SS18: variants seen among roughly 807,000 people sequenced by gnomAD.
The protein encoded by SS18 is protein SSXT.
In SS18, 28 loss-of-function variants were observed where a neutral mutation model predicts 72.5. The ratio of observed to expected loss-of-function variants is 0.39; its 90% confidence interval spans 0.29 to 0.53. The LOEUF is 0.53. SS18 is among the 20% of genes least tolerant of loss of function. SS18 has a pLI of 0.76. For missense variants in SS18, 518 were observed against 535.3 expected (o/e 0.97, Z 0.32); for synonymous variants, 172 against 164.2 (o/e 1.05, Z -0.37).
At chr18:26,088,088 C>T (rs1016457233) in intron 1 of SS18, among the ~76,000 whole-genome samples, 2 of 152,136 alleles carry the variant, frequency 1.3e-5, no homozygotes, top group African/African-American at 4.8e-5. Flanking sequence ...TACTTTTACA[C>T]CTTTGGAATG....
At chr18:26,024,770 C>A (rs1409144301) in intron 10 of SS18, among the ~76,000 whole-genome samples, 2 of 151,704 alleles carry the variant, frequency 1.3e-5, no homozygotes, top group African/African-American at 4.8e-5. Context: ...GAACAAAAAC[C>A]AGATGTGACA....
At chr18:26,060,433 T>C (rs1598582656) in intron 3 of SS18, among the ~76,000 whole-genome samples, 1 of 152,248 alleles carries the variant, frequency 6.6e-6, no homozygotes, top group East Asian at 1.9e-4. Flanking sequence ...GTTTTCACTT[T>C]ATTAGGGTAG....
chr18:26,076,052 T>C (rs1158038592), intron 3 of SS18, among the ~76,000 whole-genome samples: 1 of 151,864 alleles, frequency 6.6e-6, no homozygotes, highest in African/African-American at 2.4e-5. Flanking sequence ...TAAAACTTCA[T>C]TGACAGACAT....
chr18:26,073,305 G>A (rs1272499238), intron 3 of SS18, among the ~76,000 whole-genome samples: 2 of 152,118 alleles, frequency 1.3e-5, no homozygotes, highest in African/African-American at 2.4e-5. Flanking sequence ...TCAGAACTAT[G>A]ATTAGAGGAA....
intron 6 of SS18, 120 bp downstream of exon 6, chr18:26,039,168 CA>C (rs34318951): frequency 0.092 from 22,939 of 250,090 alleles, 73 homozygotes; most frequent in Middle Eastern, 0.099. Context: ...TACCTTTTGT[CA>C]AAAAAAAAAA....
intron 1 of SS18, among the ~76,000 whole-genome samples, chr18:26,089,393 A>G (rs2054674186): frequency 6.6e-6 from 1 of 152,262 alleles, no homozygotes; most frequent in African/African-American, 2.4e-5. Flanking sequence ...CCGTTTGTTC[A>G]TAAAATAAAG....
In SS18 at chr18:26,064,249, A is replaced by AT. The variant is rs200419807; in HGVS notation, c.232-6508dup. ...TAAGAATAAATAATACCTCACACCA[A>AT]TTTTTTGTTCCAGAAAACAAAAAGA... is the stretch of plus-strand genomic sequence containing the variant. On this transcript the variant is annotated intron_variant, in intron 3 of 10. Transcript: ENST00000415083. Among the ~76,000 whole-genome samples the AT allele has an allele frequency of 4.4e-3, 664 of 152,182 alleles. 4 individuals carry two copies. Among genetic ancestry groups the AT allele is most frequent in the African/African-American group, 0.014 (598 of 41,540 alleles).
In SS18 at chr18:26,022,437, TAA is replaced by T. The variant is rs35858470; in HGVS notation, c.1231-4059_1231-4058del. The stretch of plus-strand genomic sequence containing the variant: ...GGATTTATCTGGCAGCCTGAAACAA[TAA>T]AAAAAAAAAAAACTACACAAAGCAT... On this transcript the variant is annotated intron_variant, in intron 10 of 10. Transcript: ENST00000415083. Among the ~76,000 whole-genome samples, 329 of 132,040 alleles carry T rather than the reference TAA, an allele frequency of 2.5e-3. 1 individual carries two copies. The highest frequency in any genetic ancestry group is 8.8e-3 in the African/African-American group (321 of 36,642). 86.6% of individuals were successfully genotyped at this position (132,040 alleles called of 152,430 possible). A position where few individuals can be genotyped will look rare whatever the true frequency, so the allele number is the denominator to read the frequency against.
At chr18:26,044,799 A>G (rs1485001747) in intron 5 of SS18, among the ~76,000 whole-genome samples, 2 of 152,020 alleles carry the variant, frequency 1.3e-5, no homozygotes, top group Admixed American at 6.6e-5. Context: ...TCGAGATTGG[A>G]GACTGAGATC....
chr18:26,036,024 A>C (rs956671350), intron 7 of SS18, 101 bp from the exon 8 acceptor site: 9 of 779,258 alleles, frequency 1.2e-5, no homozygotes, highest in Admixed American at 2.8e-5. Context: ...AAAAAGAAAA[A>C]GAAATGGAAC....
At chr18:26,079,630 G>A (rs758164374) in intron 2 of SS18, among the ~76,000 whole-genome samples, 3 of 152,058 alleles carry the variant, frequency 2.0e-5, no homozygotes, top group Non-Finnish European at 4.4e-5. Flanking sequence ...ACCCAGGCTG[G>A]AGCGTGCAGT....
chr18:26,057,676 G>T lies in SS18; in HGVS notation c.298C>A (p.Arg100Ser). The part of the protein sequence containing the change: ...MNQSGPPPPP[R>S]SHNMPSDGMV... ...CCATCTGAAGGCATGTTGTGAGAGCGTGGAGGTGGGGGAGGGCCGCTCTGA... is the reference window on the plus strand; with the variant it reads ...CCATCTGAAGGCATGTTGTGAGAGCTTGGAGGTGGGGGAGGGCCGCTCTGA... The change falls in exon 4 of 11, where the codon CGC becomes AGC. Residue 100 changes from arginine (R) to serine (S), a missense_variant. Arg to Ser is a moderately radical substitution (Grantham distance 110). Coordinates refer to ENST00000415083, the MANE Select transcript of SS18 (RefSeq NM_001007559.3). The T allele has an allele frequency of 1.2e-6, 2 of 1,614,142 alleles. No homozygotes were observed. Among genetic ancestry groups the T allele is most frequent in the Non-Finnish European group, 1.7e-6 (2 of 1,180,024 alleles).
In SS18 at chr18:26,087,568, C is replaced by A; in HGVS notation, c.79G>T (p.Asp27Tyr). 1.3e-6 allele frequency: 2 copies of A among 1,576,322 alleles called. No homozygotes were observed. Among genetic ancestry groups the A allele is most frequent in the South Asian group, 1.1e-5 (1 of 87,544 alleles). ...TPAAIQKMLD[D>Y]NNHLIQCIMD... is the part of the protein sequence containing the mutation. ...ATACACTGAATAAGATGGTTATTGT[C>A]ATCCAACATCTGAAACAGAATTAGA... The change falls in exon 2 of 11, where the codon GAC becomes TAC. Residue 27 changes from aspartate to tyrosine, a missense_variant. Asp to Tyr is a radical substitution (Grantham distance 160). Transcript: ENST00000415083.
intron 2 of SS18, among the ~76,000 whole-genome samples, chr18:26,080,919 T>C (rs992442284): frequency 6.6e-6 from 1 of 152,094 alleles, no homozygotes; most frequent in Admixed American, 6.5e-5. Context: ...ACAACCATCA[T>C]GGGGAAATTA....
chr18:26,029,149 AG>A (rs1324087998), intron 10 of SS18, among the ~76,000 whole-genome samples: 1 of 152,194 alleles, frequency 6.6e-6, no homozygotes, highest in African/African-American at 2.4e-5. Context: ...GATGCATGTA[AG>A]GAACAGCAAA....
At position 26,052,658 on chromosome 18, in the gene SS18, A is replaced by C; in HGVS notation, c.573T>G (p.Gly191=). Residue 191 remains glycine (G), a synonymous_variant, in exon 5 of 11, where the codon GGT becomes GGG. Coordinates refer to ENST00000415083, the MANE Select transcript of SS18 (RefSeq NM_001007559.3). ...MSQGQPMGNY[G]PRPNMSMQPN... is the part of the protein sequence containing the mutation. ...GCTGCATACTCATATTTGGTCTGGG[A>C]CCATAGTTTCCCATTGGTTGTCCCT... 1 of 1,614,108 alleles carries C rather than the reference A, an allele frequency of 6.2e-7. No homozygotes were observed. The highest frequency in any genetic ancestry group is 2.2e-5 in the East Asian group (1 of 44,880).
At position 26,055,102 on chromosome 18, in the gene SS18, C is replaced by T. The variant is rs150305326; in HGVS notation, c.386-2257G>A. ...TCTCTAGAACTGTCTGGAGAGGTGGCGGCTAGGCATCCTTTGGTATCCTTT... is the reference window on the plus strand; with the variant it reads ...TCTCTAGAACTGTCTGGAGAGGTGGTGGCTAGGCATCCTTTGGTATCCTTT... On this transcript the variant is annotated intron_variant, in intron 4 of 10. Transcript: ENST00000415083. Among the ~76,000 whole-genome samples, 10 of 151,962 alleles carry T rather than the reference C, an allele frequency of 6.6e-5. No individual in the cohort carries two copies. The East Asian group carries it at 1.2e-3, about 18-fold the overall frequency.
intron 9 of SS18, among the ~76,000 whole-genome samples, chr18:26,032,874 G>T (rs1002337062): frequency 6.6e-6 from 1 of 152,034 alleles, no homozygotes; most frequent in Non-Finnish European, 1.5e-5. Context: ...ACCAGCACAA[G>T]CAAGAGGAAA....
At chr18:26,025,216 A>G (rs1405271543) in intron 10 of SS18, among the ~76,000 whole-genome samples, 1 of 152,320 alleles carries the variant, frequency 6.6e-6, no homozygotes, top group African/African-American at 2.4e-5. Flanking sequence ...TAAAAATAAC[A>G]GCATCAGATG....
Sources: allele counts gnomAD v4.1 joint callset (sites outside exome capture counted in the v4.1 genomes callset), GRCh38; gene constraint gnomAD v4.1.1; transcripts MANE v1.5; gene names NCBI Gene and HGNC (gene_info 2026-07-23, HGNC 2026-07-21).